Variants in CMKLR2 observed in about 807,000 individuals in gnomAD.
CMKLR2 encodes the protein chemerin-like receptor 2.
Under a neutral mutation model 23.0 loss-of-function variants are expected in CMKLR2, and 18 were observed. The observed-to-expected ratio is 0.78, with a 90% confidence interval of 0.54 to 1.16. The LOEUF (loss-of-function observed/expected upper bound fraction) is 1.16. Ranked by LOEUF, CMKLR2 falls within the 50% of genes most tolerant of loss-of-function variation. The pLI is 0.00. For synonymous variants in CMKLR2, 158 were observed against 158.9 expected (o/e 0.99, Z 0.05); for missense variants, 401 against 412.7 (o/e 0.97, Z 0.25).
intron 1 of CMKLR2, among the ~76,000 whole-genome samples, chr2:206,185,754 G>A: frequency 6.6e-6 from 1 of 152,190 alleles, no homozygotes; most frequent in East Asian, 1.9e-4. Context: ...AGCAGTGAAG[G>A]TGATGGGAAA....
At chr2:206,191,468 A>G (rs776193706) in intron 1 of CMKLR2, among the ~76,000 whole-genome samples, 1 of 152,062 alleles carries the variant, frequency 6.6e-6, no homozygotes, top group Non-Finnish European at 1.5e-5. Flanking sequence ...ATTCAAAAAC[A>G]TGTTTTGTTT....
intron 1 of CMKLR2, among the ~76,000 whole-genome samples, chr2:206,207,503 C>T (rs1689372144): frequency 6.6e-6 from 1 of 152,106 alleles, no homozygotes; most frequent in Non-Finnish European, 1.5e-5. Flanking sequence ...CCAACCACAT[C>T]TAATTATGTA....
At chr2:206,186,347 G>A (rs1305361528) in intron 1 of CMKLR2, among the ~76,000 whole-genome samples, 1 of 152,102 alleles carries the variant, frequency 6.6e-6, no homozygotes, top group Admixed American at 6.6e-5. Flanking sequence ...TCCTGACCTT[G>A]TGATCCGCCT....
At chr2:206,211,747 C>CA (rs200301294) in intron 1 of CMKLR2, among the ~76,000 whole-genome samples, 1,290 of 111,928 alleles carry the variant, frequency 0.012, 24 homozygotes, top group African/African-American at 0.041. Flanking sequence ...AAACAAAAAA[C>CA]AAAAAAACAC....
chr2:206,197,239 G>A lies in CMKLR2; in HGVS notation c.-29+16068C>T, dbSNP rs148398634. On this transcript the variant is annotated intron_variant, in intron 1 of 1. Transcript: ENST00000621141. ...CATATTCTTTACTGCTCCAGAGCTG[G>A]TTAAGTCCCACATGCCCTTTCAGTC... Among the ~76,000 whole-genome samples, 105 of 152,130 alleles carry A rather than the reference G, an allele frequency of 6.9e-4. 1 individual carries two copies. In the East Asian group the frequency reaches 0.017, roughly 25 times the overall value.
chr2:206,195,422 C>T (rs1207601461), intron 1 of CMKLR2, among the ~76,000 whole-genome samples: 1 of 152,064 alleles, frequency 6.6e-6, no homozygotes, highest in Non-Finnish European at 1.5e-5. Context: ...TAAAAGTCTA[C>T]CAAGAAAGCA....
chr2:206,178,933 G>A (rs755213023), intron 1 of CMKLR2, among the ~76,000 whole-genome samples: 4 of 152,076 alleles, frequency 2.6e-5, no homozygotes, highest in Non-Finnish European at 2.9e-5. Flanking sequence ...ACAGGTGTAA[G>A]CCAGAGTGCC....
At chr2:206,198,790 G>A (rs1688999252) in intron 1 of CMKLR2, among the ~76,000 whole-genome samples, 1 of 152,054 alleles carries the variant, frequency 6.6e-6, no homozygotes, top group East Asian at 1.9e-4. Context: ...TTCCCCCCAG[G>A]AAATATTCTA....
chr2:206,212,898 A>G (rs1312715581), intron 1 of CMKLR2, among the ~76,000 whole-genome samples: 4 of 152,094 alleles, frequency 2.6e-5, no homozygotes, highest in African/African-American at 9.7e-5. Flanking sequence ...ATTTTTTTCT[A>G]CTAGTTTCTC....
chr2:206,203,329 CAA>C (rs34691275), intron 1 of CMKLR2: 5,711 of 44,266 alleles, frequency 0.13, 84 homozygotes, highest in Admixed American at 0.2. Context: ...GACTCTGTCT[CAA>C]AAAAAAAAAA....
rs112540540 is a variant in CMKLR2, at chr2:206,176,053, T to C, written c.*127A>G. The C allele has an allele frequency of 0.095, 64,224 of 673,224 alleles. 3,630 individuals are homozygous for C. Among genetic ancestry groups the C allele is most frequent in the Admixed American group, 0.19 (6,318 of 32,770 alleles). The allele number at this position is 673,224 out of a possible 1,614,324, so 41.7% of individuals were successfully genotyped here. A position where few individuals can be genotyped will look rare whatever the true frequency, so the allele number is the denominator to read the frequency against. On this transcript the variant is annotated 3_prime_UTR_variant, in exon 2 of 2. Transcript: ENST00000621141. ...TCCACACAAAAATGTGATGCCTATA[T>C]AGTGACCAGAAACAATAACTATGAA...
At chr2:206,216,787 T>C (rs1689768168), upstream of CMKLR2, among the ~76,000 whole-genome samples, 1 of 152,182 alleles carries the variant, frequency 6.6e-6, no homozygotes, top group Non-Finnish European at 1.5e-5. Context: ...AAAGAGAAGA[T>C]TTATATTAAT....
intron 1 of CMKLR2, among the ~76,000 whole-genome samples, chr2:206,186,146 C>T (rs1389966276): frequency 2.7e-5 from 4 of 146,072 alleles, no homozygotes; most frequent in African/African-American, 1.0e-4. Flanking sequence ...GAGTCTCACA[C>T]TGTCACCCAG....
chr2:206,185,648 A>G (rs1688555506), intron 1 of CMKLR2, among the ~76,000 whole-genome samples: 1 of 152,224 alleles, frequency 6.6e-6, no homozygotes, highest in Non-Finnish European at 1.5e-5. Flanking sequence ...ACTGTTAGGT[A>G]TAATGGTGGG....
At chr2:206,188,700 C>G (rs1458062401) in intron 1 of CMKLR2, among the ~76,000 whole-genome samples, 5 of 152,120 alleles carry the variant, frequency 3.3e-5, no homozygotes, top group Admixed American at 1.3e-4. Flanking sequence ...TTGGAGGACC[C>G]ACGTTATCAC....
At chr2:206,204,973 A>T (rs1689259162) in intron 1 of CMKLR2, among the ~76,000 whole-genome samples, 1 of 152,354 alleles carries the variant, frequency 6.6e-6, no homozygotes, top group Admixed American at 6.5e-5. Context: ...TCAGTACAAC[A>T]TAATCAGGCT....
intron 1 of CMKLR2, among the ~76,000 whole-genome samples, chr2:206,209,424 G>A (rs1173303264): frequency 2.0e-5 from 3 of 151,986 alleles, no homozygotes; most frequent in Non-Finnish European, 4.4e-5. Context: ...GGATGTACAG[G>A]TTTGTTACAT....
In CMKLR2 at chr2:206,176,762, C is replaced by G. The variant is rs779131200; in HGVS notation, c.486G>C (p.Trp162Cys). The stretch of plus-strand genomic sequence containing the variant: ...GACCGCCAATTAGAGAAGCCAAAAG[C>G]CAGATGAATATAATGACAATCAGAG... ...KNSLIVIIFI[W>C]LLASLIGGPA... is the part of the protein sequence containing the mutation. Residue 162 changes from tryptophan to cysteine, a missense_variant, in exon 2 of 2, where the codon TGG becomes TGC. Transcript: ENST00000621141. 43 of 1,613,966 alleles carry G rather than the reference C, an allele frequency of 2.7e-5. No homozygotes were observed. Among genetic ancestry groups the G allele is most frequent in the Non-Finnish European group, 3.6e-5 (43 of 1,180,026 alleles).
intron 1 of CMKLR2, among the ~76,000 whole-genome samples, chr2:206,202,812 G>A (rs562981388): frequency 1.9e-4 from 29 of 152,096 alleles, no homozygotes; most frequent in Admixed American, 3.9e-4. Context: ...CGGTACACGT[G>A]GCACTGTGGA....
Sources: allele counts gnomAD v4.1 joint callset (sites outside exome capture counted in the v4.1 genomes callset), GRCh38; gene constraint gnomAD v4.1.1; transcripts MANE v1.5; gene names NCBI Gene and HGNC (gene_info 2026-07-23, HGNC 2026-07-21).